The following DTNA variants were observed in gnomAD, a reference collection of about 807,000 sequenced individuals.
DTNA encodes the protein dystrophin-related protein 3.
In DTNA, 43 loss-of-function variants were observed where a neutral mutation model predicts 100.7. The ratio of observed to expected loss-of-function variants is 0.43; its 90% CI spans 0.33 to 0.55. DTNA has a LOEUF of 0.55. Among genes scored for constraint, DTNA ranks in the 20% least tolerant of loss-of-function variants. The pLI, the probability that DTNA is intolerant of heterozygous loss-of-function variation, is 0.04. For synonymous variants in DTNA, 349 were observed against 347.9 expected, an observed-to-expected ratio of 1.00 and a Z score of -0.04; for missense variants, 798 against 953.9, an observed-to-expected ratio of 0.84 and a Z score of 2.15.
chr18:34,738,826 A>T (rs1214216587), intron 1 of DTNA, among the ~76,000 whole-genome samples: 3 of 152,218 alleles, frequency 2.0e-5, no homozygotes, highest in African/African-American at 7.2e-5. Flanking sequence ...TGCAGAATGC[A>T]TGCCTAGAGA....
intron 1 of DTNA, among the ~76,000 whole-genome samples, chr18:34,532,755 C>CAT (rs200482802): frequency 5.7e-4 from 56 of 98,056 alleles, no homozygotes; most frequent in African/African-American, 1.0e-3. Context: ...ATATTTAAAA[C>CAT]ATATATATAT....
At chr18:34,848,964 G>A (rs1786605) in intron 14 of DTNA, among the ~76,000 whole-genome samples, 37,350 of 152,110 alleles carry the variant, frequency 0.25, 4,679 homozygotes, top group South Asian at 0.27. Flanking sequence ...CACATCAGAT[G>A]TTGCAGTTAT....
intron 1 of DTNA, among the ~76,000 whole-genome samples, chr18:34,551,738 G>A (rs1482891743): frequency 2.0e-5 from 3 of 152,140 alleles, no homozygotes; most frequent in Admixed American, 6.5e-5. Context: ...GTCTAGATCT[G>A]AAAGTCCTGA....
intron 1 of DTNA, among the ~76,000 whole-genome samples, chr18:34,505,747 A>C (rs1257754964): frequency 1.3e-5 from 2 of 152,118 alleles, no homozygotes; most frequent in African/African-American, 4.8e-5. Context: ...AAGCATGTTT[A>C]TAATCATTCA....
intron 17 of DTNA, chr18:34,867,632 A>G: frequency 2.0e-6 from 2 of 997,656 alleles, no homozygotes; most frequent in Non-Finnish European, 2.4e-6. Flanking sequence ...GCAGAGAGAG[A>G]GGGCAATCAT....
At chr18:34,628,775 G>A (rs955954264) in intron 1 of DTNA, among the ~76,000 whole-genome samples, 1 of 151,950 alleles carries the variant, frequency 6.6e-6, no homozygotes, top group African/African-American at 2.4e-5. Context: ...TTTCTTACTT[G>A]AACTTGTTTG....
chr18:34,579,297 G>A, intron 1 of DTNA, among the ~76,000 whole-genome samples: 1 of 152,110 alleles, frequency 6.6e-6, no homozygotes, highest in East Asian at 1.9e-4. Context: ...GAATAGATAG[G>A]TAGGTAGATG....
In DTNA at chr18:34,561,292, G is replaced by A. The variant is rs572739684; in HGVS notation, c.-2+67778G>A. 4.6e-5 allele frequency among the ~76,000 whole-genome samples: 7 copies of A among 152,254 alleles called. No homozygotes were observed. The East Asian group carries it at 1.4e-3, about 29-fold the overall frequency. ...TCCTAACATTTTAAAGAAGGATCGA[G>A]ATGAAATTTATAATACTATCATTGG... On this transcript the variant is annotated intron_variant, in intron 1 of 19. Coordinates refer to the DTNA transcript ENST00000283365.
At chr18:34,593,230 G>A (rs570125464) in intron 1 of DTNA, 3 of 152,354 alleles carry the variant, frequency 2.0e-5, no homozygotes, top group South Asian at 2.1e-4. Flanking sequence ...CAGAGGGAGC[G>A]GGGAGGGAGG....
intron 1 of DTNA, among the ~76,000 whole-genome samples, chr18:34,583,185 A>G (rs1485924047): frequency 6.6e-6 from 1 of 152,248 alleles, no homozygotes; most frequent in Admixed American, 6.5e-5. Flanking sequence ...ATGTCAGAAT[A>G]AAAGGATCTC....
At chr18:34,628,914 T>G (rs1048050100) in intron 1 of DTNA, among the ~76,000 whole-genome samples, 1 of 152,162 alleles carries the variant, frequency 6.6e-6, no homozygotes, top group Non-Finnish European at 1.5e-5. Context: ...ATGTTAATAA[T>G]TTTATCTAGA....
In DTNA at chr18:34,555,066, C is replaced by G. The variant is rs1459814092; in HGVS notation, c.-2+61552C>G. Among the ~76,000 whole-genome samples, 125 of 128,810 alleles carry G rather than the reference C, an allele frequency of 9.7e-4. 2 individuals are homozygous for G. Among genetic ancestry groups the G allele is most frequent in the African/African-American group, 3.7e-3 (117 of 31,380 alleles). 84.5% of individuals were successfully genotyped at this position (128,810 alleles called of 152,430 possible). ...CACAATTTCAGCTCCTGTTATTGGT[C>G]TATTCAGAGATTCAACTTCTTCCTG... On this transcript the variant is annotated intron_variant, in intron 1 of 19. Coordinates refer to the DTNA transcript ENST00000283365.
At chr18:34,639,605 A>G (rs1216621784) in intron 1 of DTNA, among the ~76,000 whole-genome samples, 1 of 152,202 alleles carries the variant, frequency 6.6e-6, no homozygotes, top group Non-Finnish European at 1.5e-5. Flanking sequence ...ATTAAGTGGC[A>G]TAGTACTGCA....
Position 34,546,076 on chromosome 18 carries a change from T to C in DTNA, c.-2+52562T>C, listed in dbSNP as rs560019726. Among the ~76,000 whole-genome samples, 6 of 152,218 alleles carry C rather than the reference T, an allele frequency of 3.9e-5. No homozygotes were observed. The South Asian group carries it at 8.3e-4, about 21-fold the overall frequency. On this transcript the variant is annotated intron_variant, in intron 1 of 19. Coordinates refer to the DTNA transcript ENST00000283365. ...TAAAATACAATTTCCTGTAAATTGGTACAAGAGCATAAGAAATGGCCAAGT... is the reference window on the plus strand; with the variant it reads ...TAAAATACAATTTCCTGTAAATTGGCACAAGAGCATAAGAAATGGCCAAGT...
chr18:34,609,524 G>A (rs1337019395), intron 1 of DTNA, among the ~76,000 whole-genome samples: 1 of 152,220 alleles, frequency 6.6e-6, no homozygotes, highest in African/African-American at 2.4e-5. Context: ...GATTACAGGC[G>A]TGAGCCACCG....
upstream of DTNA, among the ~76,000 whole-genome samples, chr18:34,707,087 G>T (rs1440516236): frequency 2.0e-5 from 3 of 151,994 alleles, no homozygotes; most frequent in Admixed American, 6.6e-5. Flanking sequence ...ATTAACATTG[G>T]CCATCAACGT....
intron 1 of DTNA, among the ~76,000 whole-genome samples, chr18:34,643,428 C>T (rs1029439695): frequency 2.6e-5 from 4 of 152,240 alleles, no homozygotes; most frequent in African/African-American, 9.6e-5. Flanking sequence ...AGCCTATCCC[C>T]AGTTCCTGGG....
intron 1 of DTNA, among the ~76,000 whole-genome samples, chr18:34,700,948 G>T (rs567905202): frequency 6.6e-6 from 1 of 152,022 alleles, no homozygotes; most frequent in Non-Finnish European, 1.5e-5. Flanking sequence ...CCCTAGTGTC[G>T]CAGGAAAGGC....
chr18:34,629,990 G>T lies in DTNA; in HGVS notation c.-1-125986G>T, dbSNP rs528126202. ...CTGTGTCGTAGGGTTAAATGATGTC[G>T]TTGGCATTTTTCTCCTTCCCCAAAG... On this transcript the variant is annotated intron_variant, in intron 1 of 19. Transcript: ENST00000283365. Among the ~76,000 whole-genome samples the T allele has an allele frequency of 8.5e-5, 13 of 152,198 alleles. No individual in the cohort carries two copies. In the South Asian group the frequency reaches 2.5e-3, roughly 29 times the overall value.
Sources: gnomAD v4.1 joint callset for allele counts (sites outside exome capture counted in the v4.1 genomes callset) on GRCh38, gnomAD v4.1.1 for gene constraint, MANE v1.5 for transcripts, NCBI Gene and HGNC (gene_info 2026-07-23, HGNC 2026-07-21) for gene names.